The following NBAS variants were observed in gnomAD, a reference collection of about 807,000 sequenced individuals.
The protein encoded by NBAS is NBAS subunit of NRZ tethering complex, also known as NAG/BC035112 fusion.
NBAS carries 219 observed loss-of-function variants against 302.5 expected under a neutral mutation model. That is an observed-to-expected ratio of 0.72 (90% CI 0.65 to 0.81). The LOEUF (loss-of-function observed/expected upper bound fraction) is 0.81. Among genes scored for constraint, NBAS ranks in the 30% least tolerant of loss-of-function variants. The pLI, the probability that NBAS is intolerant of heterozygous loss-of-function variation, is 0.00. For missense variants in NBAS, 2,932 were observed against 2,841.6 expected (o/e 1.03, Z -0.72); for synonymous variants, 1,118 against 1,021.6 (o/e 1.09, Z -1.80).
chr2:15,028,948 C>A, the NBAS span, among the ~76,000 whole-genome samples: 1 of 152,148 alleles, frequency 6.6e-6, no homozygotes, highest in African/African-American at 2.4e-5. Context: ...AGGAACTCAT[C>A]GGTGTCATTC....
intron 35 of NBAS, among the ~76,000 whole-genome samples, chr2:15,338,873 G>A (rs940640004): frequency 6.6e-6 from 1 of 151,976 alleles, no homozygotes; most frequent in Non-Finnish European, 1.5e-5. Flanking sequence ...ATTACCCAGG[G>A]ATAGTGGCAT....
intron 36 of NBAS, among the ~76,000 whole-genome samples, chr2:15,328,826 C>T (rs1236253323): frequency 6.6e-6 from 1 of 152,158 alleles, no homozygotes; most frequent in Non-Finnish European, 1.5e-5. Context: ...ACCAAACTGC[C>T]TGCTTTATGC....
At chr2:15,524,772 C>T (rs918690814) in intron 9 of NBAS, among the ~76,000 whole-genome samples, 9 of 151,820 alleles carry the variant, frequency 5.9e-5, no homozygotes, top group Non-Finnish European at 1.0e-4. Context: ...CCTGATCAAG[C>T]CTTTGAGGGT....
At chr2:14,891,179 G>C in the NBAS span, among the ~76,000 whole-genome samples, 2 of 152,164 alleles carry the variant, frequency 1.3e-5, no homozygotes, top group African/African-American at 4.8e-5. Context: ...GTACCAGCCG[G>C]TGGGCAGACC....
At chr2:15,077,068 C>A in the NBAS span, among the ~76,000 whole-genome samples, 1 of 152,176 alleles carries the variant, frequency 6.6e-6, no homozygotes, top group African/African-American at 2.4e-5. Context: ...AAAGAACTAC[C>A]TGAGACTGGG....
At position 15,309,212 on chromosome 2, in the gene NBAS, C is replaced by G; in HGVS notation, c.4618G>C (p.Asp1540His). 1 of 1,612,610 alleles carries G rather than the reference C, an allele frequency of 6.2e-7. No homozygotes were observed. The highest frequency in any genetic ancestry group is 8.5e-7 in the Non-Finnish European group (1 of 1,179,080). The change falls in exon 39 of 52, where the codon GAC becomes CAC. Residue 1540 changes from aspartate (D) to histidine (H), a missense_variant. Asp to His is a moderately conservative substitution (Grantham distance 81, BLOSUM62 -1). Coordinates refer to ENST00000281513, the MANE Select transcript of NBAS (RefSeq NM_015909.4). Reference protein sequence around the residue: ...LQLASEALPNDMTLALAYLLA... With the variant: ...LQLASEALPNHMTLALAYLLA... ...AGGTAAGCAAGAGCCAAGGTCATGTCATTTGGCAAGGCTTCACTTGCTAGT... is the reference window on the plus strand; with the variant it reads ...AGGTAAGCAAGAGCCAAGGTCATGTGATTTGGCAAGGCTTCACTTGCTAGT...
At chr2:15,016,136 C>A in the NBAS span, among the ~76,000 whole-genome samples, 1 of 152,072 alleles carries the variant, frequency 6.6e-6, no homozygotes. Flanking sequence ...TTAATGGACT[C>A]ACAGTTCCAT....
chr2:15,079,202 T>G, the NBAS span, among the ~76,000 whole-genome samples: 1 of 152,038 alleles, frequency 6.6e-6, no homozygotes, highest in Non-Finnish European at 1.5e-5. Flanking sequence ...CCAAGCTTGG[T>G]TCTTCTGAAA....
rs114380764 is a variant in NBAS, at chr2:15,245,013, T to C, written c.5725-6327A>G. Reference sequence around the variant, plus strand: ...ACAAGGTACTTGAGGAGACCCCAAGTGGGTACGGGCCCTGAGGGAGGCGTC... The same window carrying C: ...ACAAGGTACTTGAGGAGACCCCAAGCGGGTACGGGCCCTGAGGGAGGCGTC... On this transcript the variant is annotated intron_variant, in intron 44 of 51. Transcript: ENST00000281513. Among the ~76,000 whole-genome samples the C allele has an allele frequency of 5.7e-3, 870 of 152,098 alleles. 11 individuals are homozygous for C. The highest frequency in any genetic ancestry group is 0.02 in the African/African-American group (834 of 41,488).
intron 12 of NBAS, among the ~76,000 whole-genome samples, chr2:15,485,711 C>T (rs1258514686): frequency 6.6e-6 from 1 of 152,178 alleles, no homozygotes; most frequent in Non-Finnish European, 1.5e-5. Context: ...ACCAGAGTGT[C>T]TGTGAAGAGG....
At chr2:15,120,889 T>A in the NBAS span, among the ~76,000 whole-genome samples, 1 of 152,238 alleles carries the variant, frequency 6.6e-6, no homozygotes, top group Non-Finnish European at 1.5e-5. Flanking sequence ...ATATATGGTA[T>A]CTCTGGGACG....
chr2:15,193,993 C>G (rs1665489986), intron 48 of NBAS, among the ~76,000 whole-genome samples: 1 of 151,752 alleles, frequency 6.6e-6, no homozygotes, highest in Non-Finnish European at 1.5e-5. Context: ...TCTTCTGTCT[C>G]TCCAGCCAAA....
the NBAS span, among the ~76,000 whole-genome samples, chr2:15,041,659 G>C: frequency 3.3e-5 from 5 of 152,210 alleles, no homozygotes; most frequent in African/African-American, 9.6e-5. Flanking sequence ...ACAGCAGTAA[G>C]TACTCTTTGT....
At chr2:14,820,088 A>G in the NBAS span, among the ~76,000 whole-genome samples, 1 of 152,224 alleles carries the variant, frequency 6.6e-6, no homozygotes, top group South Asian at 2.1e-4. Context: ...TACAACCACT[A>G]TGGAGGACAC....
intron 51 of NBAS, 58 bp downstream of exon 51, chr2:15,178,930 C>T: frequency 1.3e-6 from 2 of 1,597,734 alleles, no homozygotes; most frequent in Non-Finnish European, 1.7e-6. Context: ...AGTGCTAATT[C>T]ATTCCTTTGA....
At chr2:15,273,984 G>C (rs539866334) in intron 44 of NBAS, among the ~76,000 whole-genome samples, 35 of 151,876 alleles carry the variant, frequency 2.3e-4, no homozygotes, top group African/African-American at 8.2e-4. Flanking sequence ...CAGCCTCCTA[G>C]CAGGAGAATG....
intron 35 of NBAS, among the ~76,000 whole-genome samples, chr2:15,350,650 A>T (rs920292996): frequency 1.3e-5 from 2 of 152,224 alleles, no homozygotes; most frequent in Non-Finnish European, 2.9e-5. Context: ...AATTTTATTC[A>T]TAAGAATCTC....
chr2:15,414,157 A>C (rs943493091), intron 25 of NBAS, among the ~76,000 whole-genome samples: 11 of 152,252 alleles, frequency 7.2e-5, no homozygotes, highest in African/African-American at 2.4e-4. Flanking sequence ...GAGAAGACAG[A>C]AAATTTTAAA....
chr2:15,405,907 G>C (rs1012334918), intron 25 of NBAS, among the ~76,000 whole-genome samples: 1 of 151,902 alleles, frequency 6.6e-6, no homozygotes, highest in Non-Finnish European at 1.5e-5. Context: ...TTCTAAAAGA[G>C]ATTTAAGAAT....
Sources: gnomAD v4.1 joint callset for allele counts (sites outside exome capture counted in the v4.1 genomes callset) on GRCh38, gnomAD v4.1.1 for gene constraint, MANE v1.5 for transcripts, NCBI Gene and HGNC (gene_info 2026-07-23, HGNC 2026-07-21) for gene names.